Variants in PDCD1 observed in about 807,000 individuals in gnomAD.
PDCD1 encodes the protein programmed cell death protein 1.
PDCD1 carries 10 observed loss-of-function variants against 23.6 expected under a neutral mutation model. The observed-to-expected ratio is 0.42, with a 90% CI of 0.26 to 0.72. The LOEUF (loss-of-function observed/expected upper bound fraction) is 0.72. PDCD1 is among the 30% of genes least tolerant of loss of function. The pLI is 0.24. For missense variants in PDCD1, 313 were observed against 397.8 expected, an observed-to-expected ratio of 0.79 and a Z score of 1.81; for synonymous variants, 168 against 169.3, an observed-to-expected ratio of 0.99 and a Z score of 0.06.
rs1414886180 is a variant in PDCD1, at chr2:241,850,359, G to A, written c.*699C>T. 1 of 236,926 alleles carries A rather than the reference G, an allele frequency of 4.2e-6. No individual in the cohort carries two copies. Among genetic ancestry groups the A allele is most frequent in the African/African-American group, 2.2e-5 (1 of 45,432 alleles). The allele number at this position is 236,926 out of a possible 1,614,324, so 14.7% of individuals were successfully genotyped here. On this transcript the variant is annotated 3_prime_UTR_variant, in exon 5 of 5. Coordinates refer to ENST00000334409, the MANE Select transcript of PDCD1 (RefSeq NM_005018.3). ...CCAGAGTGCTGGCTGGGCCTGAAAG[G>A]CCTCCAGCTCTGCCTGCCCGCTTAC...
At position 241,850,102 on chromosome 2, in the gene PDCD1, G is replaced by T. The variant is rs55942126; in HGVS notation, c.*956C>A. ...TGTACCTTCCCACCCAGGCCCTGGTGGGAGCCCGGCCAACCCCTTTAAATA... is the reference window on the plus strand; with the variant it reads ...TGTACCTTCCCACCCAGGCCCTGGTTGGAGCCCGGCCAACCCCTTTAAATA... On this transcript the variant is annotated 3_prime_UTR_variant, in exon 5 of 5. Coordinates refer to ENST00000334409, the MANE Select transcript of PDCD1 (RefSeq NM_005018.3). The T allele has an allele frequency of 3.6e-3, 814 of 228,754 alleles. 12 individuals carry two copies. The highest frequency in any genetic ancestry group is 0.016 in the African/African-American group (731 of 45,102). 14.2% of individuals were successfully genotyped at this position (228,754 alleles called of 1,614,324 possible).
intron 1 of PDCD1, among the ~76,000 whole-genome samples, chr2:241,858,483 G>A (rs41519446): frequency 2.0e-5 from 3 of 149,952 alleles, no homozygotes; most frequent in African/African-American, 7.3e-5. Context: ...TTGGGCCAGG[G>A]GAGGAGTTGG....
chr2:241,858,739 C>A (rs1274634207), intron 1 of PDCD1, 24 bp downstream of exon 1: 2 of 1,565,082 alleles, frequency 1.3e-6, no homozygotes, highest in Non-Finnish European at 1.7e-6. Context: ...GGCTCTGGGA[C>A]ACCTGACCGC....
intron 1 of PDCD1, among the ~76,000 whole-genome samples, chr2:241,854,966 A>G (rs1700990206): frequency 6.6e-6 from 1 of 152,160 alleles, no homozygotes; most frequent in Non-Finnish European, 1.5e-5. Context: ...TGTAACTGGA[A>G]ACTTAGCTGC....
intron 4 of PDCD1, among the ~76,000 whole-genome samples, chr2:241,851,604 G>C (rs1700903704): frequency 6.6e-6 from 1 of 152,230 alleles, no homozygotes; most frequent in Non-Finnish European, 1.5e-5. Context: ...CGCCCTCGCA[G>C]GTGGGCACAC....
chr2:241,853,068 C>A, intron 1 of PDCD1, 88 bp from the exon 2 acceptor site: 1 of 1,445,880 alleles, frequency 6.9e-7, no homozygotes, highest in Non-Finnish European at 9.2e-7. Flanking sequence ...GCAGCAAGGG[C>A]TCTGGAAGGG....
At chr2:241,852,021 T>G in intron 3 of PDCD1, 38 bp from the exon 4 acceptor site, 1 of 1,593,830 alleles carries the variant, frequency 6.3e-7, no homozygotes. Flanking sequence ...AGGCCGACCC[T>G]GAGCCGTGCT....
chr2:241,857,743 C>A (rs999954314), intron 1 of PDCD1, among the ~76,000 whole-genome samples: 11 of 152,302 alleles, frequency 7.2e-5, no homozygotes, highest in African/African-American at 2.6e-4. Context: ...CAGTCGCCTG[C>A]CACAGTGAAG....
At chr2:241,851,687 G>A (rs901766415) in intron 4 of PDCD1, among the ~76,000 whole-genome samples, 12 of 150,884 alleles carry the variant, frequency 8.0e-5, no homozygotes, top group African/African-American at 2.9e-4. Context: ...GACCGCAGGC[G>A]GGCACACGCG....
Position 241,852,770 on chromosome 2 carries a change from C to G in PDCD1, c.287G>C (p.Arg96Pro), listed in dbSNP as rs568397742. ...RSQPGQDCRF[R>P]VTQLPNGRDF... ...ACGCCCGTTGGGCAGTTGTGTGACA[C>G]GGAAGCGGCAGTCCTGGCCGGGCTG... is the stretch of plus-strand genomic sequence containing the variant. Residue 96 changes from arginine to proline, a missense_variant, in exon 2 of 5, where the codon CGT becomes CCT. Arg to Pro is a moderately radical substitution (Grantham distance 103, BLOSUM62 -2). Transcript: ENST00000334409. 1 of 1,614,024 alleles carries G rather than the reference C, an allele frequency of 6.2e-7. No homozygotes were observed. The highest frequency in any genetic ancestry group is 8.5e-7 in the Non-Finnish European group (1 of 1,180,038).
chr2:241,853,740 C>T lies in PDCD1; in HGVS notation c.77-760G>A, dbSNP rs905168329. On this transcript the variant is annotated intron_variant, in intron 1 of 4. Coordinates refer to ENST00000334409, the MANE Select transcript of PDCD1 (RefSeq NM_005018.3). ...TGGGGGTCGCGGCTCTTCCGCCAGGCGGAGGCACCAACACAGGCGCTTAAG... is the reference window on the plus strand; with the variant it reads ...TGGGGGTCGCGGCTCTTCCGCCAGGTGGAGGCACCAACACAGGCGCTTAAG... Among the ~76,000 whole-genome samples the T allele has an allele frequency of 2.6e-5, 4 of 152,386 alleles. No individual in the cohort carries two copies. The East Asian group carries it at 5.8e-4, about 22-fold the overall frequency.
chr2:241,857,457 G>T (rs1044072676), intron 1 of PDCD1, among the ~76,000 whole-genome samples: 8 of 152,308 alleles, frequency 5.3e-5, no homozygotes, highest in African/African-American at 1.4e-4. Flanking sequence ...CGGGACACGG[G>T]GGGAGAGGCT....
chr2:241,856,453 T>C (rs1467221549), intron 1 of PDCD1, among the ~76,000 whole-genome samples: 1 of 152,274 alleles, frequency 6.6e-6, no homozygotes, highest in African/African-American at 2.4e-5. Context: ...GGGATATTCA[T>C]TGTTTTTAAA....
rs1701014627 is a variant in PDCD1 at position 241,855,887 on chromosome 2, G to A, written c.76+2876C>T. 2.0e-5 allele frequency among the ~76,000 whole-genome samples: 3 copies of A among 152,186 alleles called. 1 individual carries two copies. In the South Asian group the frequency reaches 6.2e-4, roughly 32 times the overall value. ...TGTGTGGAGGTGGGAAGGGCTGTGG[G>A]CCGAACCGTGTCCCCACAGATTCCT... On this transcript the variant is annotated intron_variant, in intron 1 of 4. Transcript: ENST00000334409.
In PDCD1 at chr2:241,852,904, G is replaced by C. The variant is rs373582646; in HGVS notation, c.153C>G (p.Thr51=). The part of the protein sequence containing the change: ...LLVVTEGDNA[T]FTCSFSNTSE... ...ATGTGTTGGAGAAGCTGCAGGTGAA[G>C]GTGGCGTTGTCCCCTTCGGTCACCA... The change falls in exon 2 of 5, where the codon ACC becomes ACG. Residue 51 remains threonine (T), a synonymous_variant. Coordinates refer to ENST00000334409, the MANE Select transcript of PDCD1 (RefSeq NM_005018.3). 4 of 1,598,210 alleles carry C rather than the reference G, an allele frequency of 2.5e-6. No homozygotes were observed. The African/African-American group carries it at 5.3e-5, about 21-fold the overall frequency.
rs368554059 is a variant in PDCD1 at position 241,852,390 on chromosome 2, C to A, written c.437-37G>T. 20 of 1,417,604 alleles carry A rather than the reference C, an allele frequency of 1.4e-5. No homozygotes were observed. In the African/African-American group the frequency reaches 2.6e-4, roughly 18 times the overall value. The allele number at this position is 1,417,604 out of a possible 1,614,324, so 87.8% of individuals were successfully genotyped here. A position where few individuals can be genotyped will look rare whatever the true frequency, so the allele number is the denominator to read the frequency against. ...CAAAGGTCAGGGGTTAGGACGGGGT[C>A]AGGGTGGAGGGTCAGGGTCAGGGGT... On this transcript the variant is annotated intron_variant, in intron 2 of 4. Coordinates refer to ENST00000334409, the MANE Select transcript of PDCD1 (RefSeq NM_005018.3).
chr2:241,858,392 G>T (rs56362647), intron 1 of PDCD1, among the ~76,000 whole-genome samples: 5 of 152,208 alleles, frequency 3.3e-5, no homozygotes, highest in Admixed American at 6.5e-5. Context: ...AGCCTGACCC[G>T]TCATTCTACA....
chr2:241,858,857 A>G lies in PDCD1; in HGVS notation c.-19T>C. ...TCTGCATGCCTGGAGCAGCCCCACC[A>G]GAGTGCCGCCTTCTCCACTGCTCAG... On this transcript the variant is annotated 5_prime_UTR_variant, in exon 1 of 5. Coordinates refer to ENST00000334409, the MANE Select transcript of PDCD1 (RefSeq NM_005018.3). The G allele has an allele frequency of 6.4e-7, 1 of 1,559,058 alleles. No homozygotes were observed. Among genetic ancestry groups the G allele is most frequent in the Non-Finnish European group, 8.7e-7 (1 of 1,150,694 alleles).
At chr2:241,857,459 G>A (rs1687536400) in intron 1 of PDCD1, among the ~76,000 whole-genome samples, 1 of 152,204 alleles carries the variant, frequency 6.6e-6, no homozygotes, top group Admixed American at 6.5e-5. Flanking sequence ...GGACACGGGG[G>A]GAGAGGCTCG....
Sources: allele counts gnomAD v4.1 joint callset (sites outside exome capture counted in the v4.1 genomes callset), GRCh38; gene constraint gnomAD v4.1.1; transcripts MANE v1.5; gene names NCBI Gene and HGNC (gene_info 2026-07-23, HGNC 2026-07-21).